Variants in ARL15 observed in about 807,000 individuals in gnomAD.
ARL15 encodes ARF like GTPase 15.
ARL15 carries 19 observed loss-of-function variants against 25.2 expected under a neutral mutation model. The observed-to-expected ratio is 0.75, with a 90% CI of 0.53 to 1.10. ARL15 has a LOEUF of 1.10. ARL15 is among the 50% of genes least tolerant of loss of function. The probability of loss-of-function intolerance (pLI) is 0.00; values close to 1 mark genes in which losing one functional copy is unlikely to be tolerated. For synonymous variants in ARL15, 94 were observed against 86.8 expected (o/e 1.08, Z -0.46); for missense variants, 220 against 246.0 (o/e 0.89, Z 0.71).
intron 1 of ARL15, among the ~76,000 whole-genome samples, chr5:54,198,260 G>A (rs576823769): frequency 8.7e-4 from 132 of 152,154 alleles, no homozygotes; most frequent in African/African-American, 2.0e-3. Flanking sequence ...CTCTCTCACC[G>A]CTCCTATTCA....
At chr5:53,984,473 G>A (rs991864233) in intron 4 of ARL15, among the ~76,000 whole-genome samples, 5 of 151,794 alleles carry the variant, frequency 3.3e-5, no homozygotes, top group African/African-American at 7.3e-5. Context: ...TCAGTTCCAC[G>A]GGCTTGAGAA....
chr5:54,199,520 G>A (rs1755651895), intron 1 of ARL15, among the ~76,000 whole-genome samples: 2 of 151,972 alleles, frequency 1.3e-5, no homozygotes, highest in Non-Finnish European at 1.5e-5. Flanking sequence ...AGATATTTAT[G>A]CAGCCAAAAA....
intron 4 of ARL15, among the ~76,000 whole-genome samples, chr5:54,052,444 A>G (rs1750730543): frequency 6.6e-6 from 1 of 152,206 alleles, no homozygotes; most frequent in South Asian, 2.1e-4. Flanking sequence ...AGTCTGTAAG[A>G]CTAAAGGTAA....
chr5:54,022,463 C>A (rs200124217), intron 4 of ARL15, among the ~76,000 whole-genome samples: 1 of 152,030 alleles, frequency 6.6e-6, no homozygotes, highest in Admixed American at 6.6e-5. Flanking sequence ...TTGCTTTGAG[C>A]CCCCCTCTCT....
At chr5:53,946,416 C>T (rs949511653) in intron 4 of ARL15, among the ~76,000 whole-genome samples, 14 of 135,622 alleles carry the variant, frequency 1.0e-4, no homozygotes, top group African/African-American at 3.3e-4. Flanking sequence ...CACCACTGCA[C>T]TCCAGTCTGG....
Position 54,219,777 on chromosome 5 carries a change from C to CA in ARL15, c.49-47850dup, listed in dbSNP as rs1354995474. On this transcript the variant is annotated intron_variant, in intron 1 of 4. Transcript: ENST00000504924. ...TAAGAATTTCCAAAAATCACACTTC[C>CA]AAAAATCACAGAAATGTTGTGGCTA... Among the ~76,000 whole-genome samples, 5 of 152,188 alleles carry CA rather than the reference C, an allele frequency of 3.3e-5. No individual in the cohort carries two copies. The East Asian group carries it at 9.7e-4, about 29-fold the overall frequency.
At chr5:54,230,004 T>C (rs576343144) in intron 1 of ARL15, among the ~76,000 whole-genome samples, 1 of 152,276 alleles carries the variant, frequency 6.6e-6, no homozygotes, top group Admixed American at 6.5e-5. Context: ...ACTAGGAACA[T>C]GGCTTCCTAC....
At chr5:54,151,690 A>G (rs1754073454) in intron 3 of ARL15, among the ~76,000 whole-genome samples, 1 of 151,862 alleles carries the variant, frequency 6.6e-6, no homozygotes, top group African/African-American at 2.4e-5. Flanking sequence ...TCACACACAA[A>G]CATATGTTTG....
intron 4 of ARL15, among the ~76,000 whole-genome samples, chr5:53,942,793 C>G (rs1561159186): frequency 6.6e-6 from 1 of 151,992 alleles, no homozygotes; most frequent in Non-Finnish European, 1.5e-5. Context: ...GTGAGATGAC[C>G]TAGGATATGA....
chr5:54,237,451 A>T (rs547515978), intron 1 of ARL15, among the ~76,000 whole-genome samples: 1 of 152,320 alleles, frequency 6.6e-6, no homozygotes, highest in African/African-American at 2.4e-5. Flanking sequence ...TTATACAATT[A>T]TCTTAATAGA....
intron 4 of ARL15, among the ~76,000 whole-genome samples, chr5:53,958,222 T>C (rs1227568382): frequency 3.3e-5 from 5 of 151,648 alleles, no homozygotes; most frequent in South Asian, 2.1e-4. Flanking sequence ...GCAAAAAACA[T>C]TTAAATAATT....
chr5:53,906,102 A>G (rs1157518489), intron 4 of ARL15, among the ~76,000 whole-genome samples: 1 of 152,218 alleles, frequency 6.6e-6, no homozygotes, highest in Non-Finnish European at 1.5e-5. Flanking sequence ...TGTAACCTGC[A>G]CACTTTTTAG....
intron 1 of ARL15, among the ~76,000 whole-genome samples, chr5:54,283,309 G>T (rs962689670): frequency 6.6e-6 from 1 of 152,056 alleles, no homozygotes; most frequent in Non-Finnish European, 1.5e-5. Flanking sequence ...GAAGGAATTT[G>T]GTAAATAAAA....
intron 4 of ARL15, among the ~76,000 whole-genome samples, chr5:54,013,435 A>G (rs1749308825): frequency 6.6e-6 from 1 of 152,224 alleles, no homozygotes; most frequent in Non-Finnish European, 1.5e-5. Flanking sequence ...CTTTGAAACA[A>G]TGATGATGCT....
At chr5:54,245,203 A>G (rs1397230725) in intron 1 of ARL15, among the ~76,000 whole-genome samples, 2 of 152,228 alleles carry the variant, frequency 1.3e-5, no homozygotes, top group African/African-American at 4.8e-5. Flanking sequence ...AATCACAAGA[A>G]ATTAGTAATT....
At chr5:54,038,602 T>C (rs1323119265) in intron 4 of ARL15, among the ~76,000 whole-genome samples, 6 of 152,132 alleles carry the variant, frequency 3.9e-5, no homozygotes, top group Admixed American at 3.3e-4. Context: ...ATTAGAGTGA[T>C]ATAAATAAGA....
chr5:54,199,911 T>C (rs1328924885), intron 1 of ARL15, among the ~76,000 whole-genome samples: 1 of 122,902 alleles, frequency 8.1e-6, no homozygotes, highest in Non-Finnish European at 1.7e-5. Flanking sequence ...CCAACAATGA[T>C]AGACTGGATT....
At chr5:53,954,416 A>T (rs1216336533) in intron 4 of ARL15, among the ~76,000 whole-genome samples, 1 of 152,198 alleles carries the variant, frequency 6.6e-6, no homozygotes, top group African/African-American at 2.4e-5. Context: ...ACAAAAGGAG[A>T]AAAATAAGGT....
At chr5:54,083,901 A>C (rs273219) in intron 4 of ARL15, among the ~76,000 whole-genome samples, 1 of 151,942 alleles carries the variant, frequency 6.6e-6, no homozygotes, top group Non-Finnish European at 1.5e-5. Flanking sequence ...TATCATACAT[A>C]TGCTAAAATT....
Sources: allele counts gnomAD v4.1 joint callset (sites outside exome capture counted in the v4.1 genomes callset), GRCh38; gene constraint gnomAD v4.1.1; transcripts MANE v1.5; gene names NCBI Gene and HGNC (gene_info 2026-07-23, HGNC 2026-07-21).